Variants in STAG1 observed in about 807,000 individuals in gnomAD.
The protein encoded by STAG1 is STAG1 cohesin complex component.
STAG1 carries 26 observed loss-of-function variants against 170.9 expected under a neutral mutation model. The observed-to-expected ratio is 0.15, with a 90% CI of 0.11 to 0.21. The LOEUF is 0.21. STAG1 is among the 10% of genes least tolerant of loss of function. The pLI is 1.00. For missense variants in STAG1, 964 were observed against 1,509.5 expected (o/e 0.64, Z 5.99); for synonymous variants, 514 against 497.7 (o/e 1.03, Z -0.44).
At chr3:136,668,057 C>T (rs941507480) in intron 1 of STAG1, among the ~76,000 whole-genome samples, 3 of 151,778 alleles carry the variant, frequency 2.0e-5, no homozygotes, top group African/African-American at 4.8e-5. Flanking sequence ...GAGAACAAAA[C>T]TCTGTCTCTT....
intron 6 of STAG1, among the ~76,000 whole-genome samples, chr3:136,530,718 A>C (rs536055975): frequency 2.6e-5 from 4 of 152,200 alleles, no homozygotes; most frequent in Admixed American, 2.0e-4. Flanking sequence ...GAAATAAATG[A>C]AAGTGGAAAC....
At chr3:136,643,507 C>G (rs1055878124) in intron 1 of STAG1, among the ~76,000 whole-genome samples, 3 of 152,102 alleles carry the variant, frequency 2.0e-5, no homozygotes, top group Non-Finnish European at 4.4e-5. Flanking sequence ...AGTAGAACAA[C>G]TATTCTTCTT....
intron 15 of STAG1, 53 bp from the exon 16 acceptor site, chr3:136,433,712 G>A: frequency 8.1e-7 from 1 of 1,230,246 alleles, no homozygotes; most frequent in Non-Finnish European, 1.2e-6. Flanking sequence ...CAACAACCAT[G>A]TATTAAAAAT....
intron 13 of STAG1, among the ~76,000 whole-genome samples, chr3:136,460,115 C>T (rs574873148): frequency 6.6e-6 from 1 of 151,918 alleles, no homozygotes; most frequent in Non-Finnish European, 1.5e-5. Context: ...AATGGACAAA[C>T]CTTTAGCTGA....
intron 1 of STAG1, among the ~76,000 whole-genome samples, chr3:136,730,123 G>A (rs879927278): frequency 1.3e-5 from 2 of 151,740 alleles, no homozygotes; most frequent in Non-Finnish European, 2.9e-5. Flanking sequence ...CAAGTTCCTG[G>A]GCTCAGGCAA....
At chr3:136,464,729 T>C (rs950756025) in intron 13 of STAG1, 152 bp downstream of exon 13, 3 of 569,638 alleles carry the variant, frequency 5.3e-6, no homozygotes, top group South Asian at 5.9e-5. Context: ...TCACCATGTA[T>C]ACATAGGCTG....
In STAG1 at chr3:136,718,183, G is replaced by A. The variant is rs1006020633; in HGVS notation, c.-84+34012C>T. ...CAATTCTTAGTAAAGAATTATTATG[G>A]AAGGCTTTAGATGTGATAATGGGAA... On this transcript the variant is annotated intron_variant, in intron 1 of 33. Coordinates refer to ENST00000383202, the MANE Select transcript of STAG1 (RefSeq NM_005862.3). 3.3e-5 allele frequency among the ~76,000 whole-genome samples: 5 copies of A among 152,082 alleles called. No homozygotes were observed. The South Asian group carries it at 1.0e-3, about 32-fold the overall frequency.
chr3:136,669,874 C>A (rs1941926322), intron 1 of STAG1, among the ~76,000 whole-genome samples: 1 of 152,192 alleles, frequency 6.6e-6, no homozygotes, highest in Admixed American at 6.5e-5. Context: ...ACTTCAAAGA[C>A]TACTCATTTG....
intron 9 of STAG1, among the ~76,000 whole-genome samples, chr3:136,493,628 T>A (rs2107848882): frequency 6.8e-6 from 1 of 146,748 alleles, no homozygotes; most frequent in South Asian, 2.2e-4. Flanking sequence ...GCACTCCAGC[T>A]TGGACAACAG....
In STAG1 at chr3:136,656,460, T is replaced by TC. The variant is rs397697017; in HGVS notation, c.-83-25480dup. ...GTTGTGTGTATTTTATCATTTTTTT[T>TC]CCCAACATTAGCGGTGGGGGTAGAA... On this transcript the variant is annotated intron_variant, in intron 1 of 33. Coordinates refer to ENST00000383202, the MANE Select transcript of STAG1 (RefSeq NM_005862.3). Among the ~76,000 whole-genome samples the TC allele has an allele frequency of 4.6e-3, 692 of 151,394 alleles. 10 individuals are homozygous for TC. Among genetic ancestry groups the TC allele is most frequent in the Non-Finnish European group, 3.4e-3 (229 of 67,858 alleles).
chr3:136,468,821 G>T (rs552658138), intron 12 of STAG1, among the ~76,000 whole-genome samples: 2 of 152,258 alleles, frequency 1.3e-5, no homozygotes, highest in African/African-American at 4.8e-5. Context: ...GGGATGCAAG[G>T]CTGGTTCAAT....
At chr3:136,578,228 G>A (rs1236191115) in intron 4 of STAG1, among the ~76,000 whole-genome samples, 1 of 152,184 alleles carries the variant, frequency 6.6e-6, no homozygotes, top group African/African-American at 2.4e-5. Context: ...AGGTAACACA[G>A]CCCAAGTGGC....
Position 136,637,718 on chromosome 3 carries a change from G to C in STAG1, c.-83-6737C>G, listed in dbSNP as rs539087423. On this transcript the variant is annotated intron_variant, in intron 1 of 33. Coordinates refer to ENST00000383202, the MANE Select transcript of STAG1 (RefSeq NM_005862.3). ...AAAAAAAGAACCCATATAGCATACA[G>C]TTATTGTGGTAAGTGACTGGAAGAG... 4.6e-5 allele frequency among the ~76,000 whole-genome samples: 7 copies of C among 152,196 alleles called. No individual in the cohort carries two copies. In the South Asian group the frequency reaches 1.5e-3, roughly 32 times the overall value.
At chr3:136,627,447 AGTGTT>A (rs1940156926) in intron 2 of STAG1, among the ~76,000 whole-genome samples, 1 of 152,144 alleles carries the variant, frequency 6.6e-6, no homozygotes, top group Non-Finnish European at 1.5e-5. Context: ...CAATTTTTTA[AGTGTT>A]ACATACATGA....
chr3:136,703,342 T>C (rs910854969), intron 1 of STAG1, among the ~76,000 whole-genome samples: 4 of 152,186 alleles, frequency 2.6e-5, no homozygotes, highest in Non-Finnish European at 4.4e-5. Context: ...CAAGCACTTA[T>C]CAGGACAGCA....
At chr3:136,710,136 G>GC (rs1943342788) in intron 1 of STAG1, among the ~76,000 whole-genome samples, 1 of 152,122 alleles carries the variant, frequency 6.6e-6, no homozygotes, top group African/African-American at 2.4e-5. Flanking sequence ...CAGCATTTTT[G>GC]GGGGGCTACA....
At chr3:136,514,615 A>G (rs1308075471) in intron 7 of STAG1, among the ~76,000 whole-genome samples, 2 of 152,232 alleles carry the variant, frequency 1.3e-5, no homozygotes, top group Admixed American at 6.5e-5. Context: ...ATGCATACGT[A>G]TATTTACTGC....
chr3:136,728,461 T>C (rs1183608890), intron 1 of STAG1, among the ~76,000 whole-genome samples: 3 of 152,170 alleles, frequency 2.0e-5, no homozygotes, highest in East Asian at 1.9e-4. Context: ...TTACTACCTA[T>C]ATAACCTTTG....
At chr3:136,399,324 A>G (rs2087251429) in intron 21 of STAG1, among the ~76,000 whole-genome samples, 1 of 152,190 alleles carries the variant, frequency 6.6e-6, no homozygotes, top group South Asian at 2.1e-4. Context: ...CCACATCAAG[A>G]AATAAAACAT....
Sources: gnomAD v4.1 joint callset for allele counts (sites outside exome capture counted in the v4.1 genomes callset) on GRCh38, gnomAD v4.1.1 for gene constraint, MANE v1.5 for transcripts, NCBI Gene and HGNC (gene_info 2026-07-23, HGNC 2026-07-21) for gene names.